PAPPA: variants seen among roughly 807,000 people sequenced by gnomAD.
PAPPA encodes the protein pappalysin 1.
Under a neutral mutation model 164.0 loss-of-function variants are expected in PAPPA, and 60 were observed. That is an observed-to-expected ratio of 0.37 (90% CI 0.30 to 0.45). The LOEUF (loss-of-function observed/expected upper bound fraction) is 0.45. Among genes scored for constraint, PAPPA ranks in the 20% least tolerant of loss-of-function variants. The pLI, the probability that PAPPA is intolerant of heterozygous loss-of-function variation, is 1.00. For synonymous variants in PAPPA, 875 were observed against 814.1 expected (o/e 1.07, Z -1.27); for missense variants, 1,782 against 2,087.3 (o/e 0.85, Z 2.85).
intron 7 of PAPPA, among the ~76,000 whole-genome samples, chr9:116,249,112 G>A (rs10983088): frequency 0.18 from 26,676 of 152,216 alleles, 3,017 homozygotes; most frequent in Admixed American, 0.29. Flanking sequence ...AAACCAGTCA[G>A]TAAGGGACAT....
chr9:116,399,841 G>C lies in PAPPA; in HGVS notation c.*3225G>C, dbSNP rs1847023367. 1 of 152,560 alleles carries C rather than the reference G, an allele frequency of 6.6e-6. No homozygotes were observed. The highest frequency in any genetic ancestry group is 2.4e-5 in the African/African-American group (1 of 41,416). The allele number at this position is 152,560 out of a possible 1,614,324, so 9.5% of individuals were successfully genotyped here. A position where few individuals can be genotyped will look rare whatever the true frequency, so the allele number is the denominator to read the frequency against. ...TGCAGGGTATCAGCTGCCACTCCTG[G>C]CTTCAACACATTGAGTCACTGCCTA... is the stretch of plus-strand genomic sequence containing the variant. On this transcript the variant is annotated 3_prime_UTR_variant, in exon 22 of 22. Transcript: ENST00000328252.
chr9:116,319,825 T>G (rs150573876), intron 10 of PAPPA, among the ~76,000 whole-genome samples: 1 of 152,194 alleles, frequency 6.6e-6, no homozygotes, highest in African/African-American at 2.4e-5. Flanking sequence ...AGAAGGAGGA[T>G]AGTAATACTG....
Position 116,382,063 on chromosome 9 carries a change from G to A in PAPPA, c.4678-332G>A, listed in dbSNP as rs569537748. 5.9e-5 allele frequency among the ~76,000 whole-genome samples: 9 copies of A among 152,244 alleles called. No individual in the cohort carries two copies. The South Asian group carries it at 1.9e-3, about 32-fold the overall frequency. ...TTACATTTCCTGGTCATTTCTTTGA[G>A]TAAAATGAGCCCTCTTTCAGGAAGA... On this transcript the variant is annotated intron_variant, in intron 20 of 21. Coordinates refer to ENST00000328252, the MANE Select transcript of PAPPA (RefSeq NM_002581.5).
chr9:116,267,137 T>A (rs1183182934), intron 8 of PAPPA, among the ~76,000 whole-genome samples: 1 of 152,008 alleles, frequency 6.6e-6, no homozygotes, highest in African/African-American at 2.4e-5. Context: ...CTCGTAGGAG[T>A]AGTACATATA....
intron 6 of PAPPA, among the ~76,000 whole-genome samples, chr9:116,232,697 TTAA>T (rs1479252446): frequency 6.6e-6 from 1 of 152,250 alleles, no homozygotes; most frequent in Non-Finnish European, 1.5e-5. Flanking sequence ...GCTGGCATTA[TTAA>T]TGAGGTTGCT....
chr9:116,358,640 A>G (rs1430126117), intron 17 of PAPPA, among the ~76,000 whole-genome samples: 3 of 152,162 alleles, frequency 2.0e-5, no homozygotes, highest in African/African-American at 7.2e-5. Context: ...TCTTGCTCGG[A>G]TGCCACTACA....
At position 116,401,299 on chromosome 9, in the gene PAPPA, G is replaced by C. The variant is rs921596630; in HGVS notation, c.*4683G>C. 4.6e-5 allele frequency: 7 copies of C among 152,542 alleles called. No individual in the cohort carries two copies. Among genetic ancestry groups the C allele is most frequent in the Admixed American group, 4.6e-4 (7 of 15,256 alleles). 9.4% of individuals were successfully genotyped at this position (152,542 alleles called of 1,614,324 possible). On this transcript the variant is annotated 3_prime_UTR_variant, in exon 22 of 22. Coordinates refer to ENST00000328252, the MANE Select transcript of PAPPA (RefSeq NM_002581.5). ...TTCTGGTCATTTCCAACTTATAGAG[G>C]AAGGGAGTCTCTAAAATCTCTTCTT...
At chr9:116,281,453 G>A (rs553197558) in intron 9 of PAPPA, among the ~76,000 whole-genome samples, 9 of 152,088 alleles carry the variant, frequency 5.9e-5, no homozygotes, top group South Asian at 2.1e-4. Context: ...ATCTACCCTC[G>A]TGTCCCAACA....
chr9:116,187,576 G>T lies in PAPPA; in HGVS notation c.838G>T (p.Ala280Ser). 1 of 1,614,160 alleles carries T rather than the reference G, an allele frequency of 6.2e-7. No homozygotes were observed. Among genetic ancestry groups the T allele is most frequent in the Middle Eastern group, 1.6e-4 (1 of 6,062 alleles). Residue 280 changes from alanine (A) to serine (S), a missense_variant, in exon 2 of 22, where the codon GCT becomes TCT. By Grantham distance (99) the Ala-to-Ser change is moderately conservative. This residue lies in a region of PAPPA where 458 missense variants were observed against 430.3 expected (regional missense o/e 1.06). Coordinates refer to ENST00000328252, the MANE Select transcript of PAPPA (RefSeq NM_002581.5). This position sits in a 1 kb window ranked among gnomAD's most constrained non-coding sequence, Gnocchi z 4.2. ...SDMETHGAHT[A>S]LPQLLLQENW... is the part of the protein sequence containing the mutation. ...CATGGAAACCCATGGCGCCCACACTGCTCTACCTCAGCTCCTCCTCCAGGA... is the reference window on the plus strand; with the variant it reads ...CATGGAAACCCATGGCGCCCACACTTCTCTACCTCAGCTCCTCCTCCAGGA...
At chr9:116,221,448 CT>C (rs1844444916) in intron 5 of PAPPA, among the ~76,000 whole-genome samples, 1 of 152,254 alleles carries the variant, frequency 6.6e-6, no homozygotes, top group Admixed American at 6.5e-5. Flanking sequence ...CAAGTGCTTA[CT>C]ATGTGATGGA....
At chr9:116,380,004 A>G (rs143093661) in intron 20 of PAPPA, among the ~76,000 whole-genome samples, 173 of 152,268 alleles carry the variant, frequency 1.1e-3, no homozygotes, top group African/African-American at 3.9e-3. Context: ...CATCTTTATG[A>G]TCTCAGCTGA....
In PAPPA at chr9:116,220,011, G is replaced by A. The variant is rs1844423601; in HGVS notation, c.1993G>A (p.Gly665Ser). 1 of 1,614,050 alleles carries A rather than the reference G, an allele frequency of 6.2e-7. No individual in the cohort carries two copies. The highest frequency in any genetic ancestry group is 1.1e-5 in the South Asian group (1 of 91,086). The part of the protein sequence containing the change: ...MHCYLDLVYQ[G>S]WQPSRKPAPV... Reference sequence around the variant, plus strand: ...CTGTTACCTGGACCTGGTCTACCAGGGCTGGCAGCCCTCCAGGAAACCAGC... The same window carrying A: ...CTGTTACCTGGACCTGGTCTACCAGAGCTGGCAGCCCTCCAGGAAACCAGC... Residue 665 changes from glycine (G) to serine (S), a missense_variant, in exon 5 of 22, where the codon GGC becomes AGC. Transcript: ENST00000328252.
Position 116,402,021 on chromosome 9 carries a change from T to C in PAPPA, c.*5405T>C, listed in dbSNP as rs747866363. On this transcript the variant is annotated 3_prime_UTR_variant, in exon 22 of 22. Transcript: ENST00000328252. The stretch of plus-strand genomic sequence containing the variant: ...ATCTAAGTTAAATCTTTTGGCAATA[T>C]ATAAAAATGTAAATAGTAAACTTTA... 2.0e-5 allele frequency: 3 copies of C among 152,486 alleles called. No individual in the cohort carries two copies. Among genetic ancestry groups the C allele is most frequent in the Admixed American group, 6.6e-5 (1 of 15,256 alleles). 9.4% of individuals were successfully genotyped at this position (152,486 alleles called of 1,614,324 possible). A position where few individuals can be genotyped will look rare whatever the true frequency, so the allele number is the denominator to read the frequency against.
At chr9:116,169,310 CTTTTTTT>C (rs563871496) in intron 1 of PAPPA, among the ~76,000 whole-genome samples, 11 of 52,152 alleles carry the variant, frequency 2.1e-4, no homozygotes, top group East Asian at 1.4e-3. Context: ...CAAACCCATT[CTTTTTTT>C]TTTTTTTTTT....
chr9:116,154,683 C>A lies in PAPPA; in HGVS notation c.415+96C>A, dbSNP rs1351253404. On this transcript the variant is annotated intron_variant, in intron 1 of 21. Coordinates refer to ENST00000328252, the MANE Select transcript of PAPPA (RefSeq NM_002581.5). The surrounding 1 kb of genome is among the most constrained non-coding windows in gnomAD (Gnocchi z 5.2). ...GGGTGGCGGGCGGGTCGGGGGCTTGCGGGCGTGTCTGTGCGAGAGCTGCCC... is the reference window on the plus strand; with the variant it reads ...GGGTGGCGGGCGGGTCGGGGGCTTGAGGGCGTGTCTGTGCGAGAGCTGCCC... The A allele has an allele frequency of 8.1e-7, 1 of 1,228,468 alleles. No homozygotes were observed. The highest frequency in any genetic ancestry group is 1.0e-6 in the Non-Finnish European group (1 of 980,966). 76.1% of individuals were successfully genotyped at this position (1,228,468 alleles called of 1,614,324 possible). A position where few individuals can be genotyped will look rare whatever the true frequency, so the allele number is the denominator to read the frequency against.
chr9:116,289,299 T>A lies in PAPPA; in HGVS notation c.2954-13458T>A, dbSNP rs568167016. On this transcript the variant is annotated intron_variant, in intron 9 of 21. Coordinates refer to ENST00000328252, the MANE Select transcript of PAPPA (RefSeq NM_002581.5). ...ATATATAGCATATAAATAGCATATA[T>A]ATAGCATATATATGGCATATATATG... Among the ~76,000 whole-genome samples, 81 of 144,056 alleles carry A rather than the reference T, an allele frequency of 5.6e-4. 4 individuals are homozygous for A. Among genetic ancestry groups the A allele is most frequent in the African/African-American group, 2.0e-3 (80 of 39,282 alleles). The allele number at this position is 144,056 out of a possible 152,430, so 94.5% of individuals were successfully genotyped here.
intron 10 of PAPPA, among the ~76,000 whole-genome samples, chr9:116,322,373 G>A (rs1277505343): frequency 3.6e-5 from 5 of 137,386 alleles, no homozygotes; most frequent in Non-Finnish European, 1.5e-5. Context: ...TCGTGCCATC[G>A]CATTCCAGCC....
chr9:116,172,199 C>T (rs1843782584), intron 1 of PAPPA, among the ~76,000 whole-genome samples: 1 of 152,128 alleles, frequency 6.6e-6, no homozygotes, highest in African/African-American at 2.4e-5. Flanking sequence ...GTGAATTTCC[C>T]AAGGTCCACA....
intron 9 of PAPPA, among the ~76,000 whole-genome samples, chr9:116,274,143 A>G (rs1057067615): frequency 1.3e-5 from 2 of 151,234 alleles, no homozygotes; most frequent in African/African-American, 4.9e-5. Context: ...AAAAAAAAAC[A>G]TTGCAAAACA....
Sources: allele counts gnomAD v4.1 joint callset (sites outside exome capture counted in the v4.1 genomes callset), GRCh38; gene constraint gnomAD v4.1.1; regional missense constraint gnomAD v4.1.1; non-coding constraint Gnocchi (gnomAD v3.1); transcripts MANE v1.5; gene names NCBI Gene and HGNC (gene_info 2026-07-23, HGNC 2026-07-21).